The following STAB2 variants were observed in gnomAD, a reference collection of about 807,000 sequenced individuals.
The protein encoded by STAB2 is stabilin 2.
STAB2 carries 288 observed loss-of-function variants against 338.1 expected under a neutral mutation model. The ratio of observed to expected loss-of-function variants is 0.85; its 90% CI spans 0.77 to 0.94. The LOEUF is 0.94. Among genes scored for constraint, STAB2 ranks in the 40% least tolerant of loss-of-function variants. The probability of loss-of-function intolerance (pLI) is 0.00; values close to 1 mark genes in which losing one functional copy is unlikely to be tolerated. For synonymous variants in STAB2, 1,202 were observed against 1,193.3 expected (o/e 1.01, Z -0.15); for missense variants, 3,141 against 3,210.1 (o/e 0.98, Z 0.52).
At position 103,704,851 on chromosome 12, in the gene STAB2, T is replaced by G. The variant is rs77891116; in HGVS notation, c.3900+237T>G. The G allele has an allele frequency of 7.7e-4, 313 of 404,076 alleles. 2 individuals are homozygous for G. The highest frequency in any genetic ancestry group is 6.0e-3 in the African/African-American group (286 of 48,000). 25.0% of individuals were successfully genotyped at this position (404,076 alleles called of 1,614,324 possible). On this transcript the variant is annotated intron_variant, in intron 36 of 68. Transcript: ENST00000388887. ...ATGAATCAACAGACAGGACAGAAAT[T>G]TTTTATGCTCTACGTCTTTCATATC... is the stretch of plus-strand genomic sequence containing the variant.
chr12:103,605,138 A>C (rs1957008442), intron 3 of STAB2, among the ~76,000 whole-genome samples: 1 of 151,946 alleles, frequency 6.6e-6, no homozygotes. Context: ...TTCCAAATAG[A>C]ATAATTTTTC....
chr12:103,762,538 AC>A (rs776170169), intron 67 of STAB2, 136 bp downstream of exon 67: 1 of 1,338,202 alleles, frequency 7.5e-7, no homozygotes, highest in Non-Finnish European at 1.0e-6. Flanking sequence ...AGGGGCGGCC[AC>A]CCACCCCACG....
intron 53 of STAB2, among the ~76,000 whole-genome samples, chr12:103,738,204 T>G (rs905908689): frequency 1.3e-5 from 2 of 152,176 alleles, no homozygotes; most frequent in African/African-American, 2.4e-5. Context: ...AAGGGCAATT[T>G]CACATAGTCA....
At chr12:103,764,857 G>A (rs570555930) in intron 68 of STAB2, among the ~76,000 whole-genome samples, 2 of 151,978 alleles carry the variant, frequency 1.3e-5, no homozygotes, top group South Asian at 2.1e-4. Context: ...CAGCACTTTC[G>A]GAGGCCAAGG....
chr12:103,643,951 GT>G (rs369409457), intron 9 of STAB2, among the ~76,000 whole-genome samples: 950 of 77,370 alleles, frequency 0.012, no homozygotes, highest in Non-Finnish European at 0.014. Flanking sequence ...CGTCCGGGAG[GT>G]GAGGGGCGCC....
chr12:103,697,181 A>G (rs908111301), intron 33 of STAB2, among the ~76,000 whole-genome samples: 2 of 152,064 alleles, frequency 1.3e-5, no homozygotes, highest in African/African-American at 4.8e-5. Flanking sequence ...AATTCACACC[A>G]TGTGTACCCC....
chr12:103,604,457 GA>G (rs1259386138), intron 3 of STAB2, among the ~76,000 whole-genome samples: 2 of 151,998 alleles, frequency 1.3e-5, no homozygotes, highest in Admixed American at 1.3e-4. Context: ...CCTTACATGT[GA>G]GATAGTATTC....
intron 9 of STAB2, among the ~76,000 whole-genome samples, chr12:103,645,148 T>A (rs1424683611): frequency 6.6e-6 from 1 of 152,182 alleles, no homozygotes; most frequent in Non-Finnish European, 1.5e-5. Flanking sequence ...CCCATAACTG[T>A]AAAATGCAAA....
chr12:103,650,410 A>G, intron 10 of STAB2, 86 bp from the exon 11 acceptor site: 2 of 1,105,826 alleles, frequency 1.8e-6, no homozygotes, highest in African/African-American at 3.1e-5. Flanking sequence ...ACCGGTCGTG[A>G]CCCAAGACCT....
intron 3 of STAB2, among the ~76,000 whole-genome samples, chr12:103,602,006 C>T (rs1477187341): frequency 6.6e-6 from 1 of 152,152 alleles, no homozygotes; most frequent in African/African-American, 2.4e-5. Context: ...TAAAACTCAA[C>T]CTTTTAAGTA....
Position 103,705,646 on chromosome 12 carries a change from G to A in STAB2, c.3915G>A (p.Arg1305=). The change falls in exon 37 of 69, where the codon AGG becomes AGA. Residue 1305 remains arginine, a synonymous_variant. Coordinates refer to ENST00000388887, the MANE Select transcript of STAB2 (RefSeq NM_017564.10). ...ATATTTCACAGGGTAATGAGAAGAG[G>A]AGATGCATCTATACCTCCTATTTCA... ...FGTKSLGNEK[R]RCIYTSYFMG... 1.2e-6 allele frequency: 2 copies of A among 1,614,172 alleles called. No individual in the cohort carries two copies. The highest frequency in any genetic ancestry group is 1.7e-6 in the Non-Finnish European group (2 of 1,180,004).
chr12:103,732,732 G>A (rs1378628989), intron 50 of STAB2, among the ~76,000 whole-genome samples: 3 of 152,016 alleles, frequency 2.0e-5, no homozygotes, highest in African/African-American at 4.8e-5. Context: ...TTGAACCCAC[G>A]AGGTTGAAGC....
intron 38 of STAB2, among the ~76,000 whole-genome samples, chr12:103,707,809 A>G (rs1319458798): frequency 6.6e-6 from 1 of 152,188 alleles, no homozygotes; most frequent in Non-Finnish European, 1.5e-5. Context: ...AATCATTATA[A>G]TTGGGCCATA....
At chr12:103,664,131 T>C (rs1874864900) in intron 18 of STAB2, among the ~76,000 whole-genome samples, 2 of 151,996 alleles carry the variant, frequency 1.3e-5, no homozygotes, top group Admixed American at 6.6e-5. Context: ...TTGTTTTGTT[T>C]TTGTTTGTTT....
rs1875102867 is a variant in STAB2 at position 103,666,366 on chromosome 12, G to A, written c.2085+13G>A. 8.7e-6 allele frequency: 14 copies of A among 1,614,024 alleles called. No individual in the cohort carries two copies. In the East Asian group the frequency reaches 3.1e-4, roughly 36 times the overall value. On this transcript the variant is annotated intron_variant, in intron 19 of 68. Transcript: ENST00000388887. The stretch of plus-strand genomic sequence containing the variant: ...CTCTGAGCCCACAGTGAGTGTGACA[G>A]CTTCATGAAAGCACAGATCACCCAA...
At chr12:103,684,542 A>G (rs1258008300) in intron 26 of STAB2, among the ~76,000 whole-genome samples, 1 of 152,244 alleles carries the variant, frequency 6.6e-6, no homozygotes, top group Non-Finnish European at 1.5e-5. Context: ...GTGAGTAGCT[A>G]TTGCAAGTTT....
At chr12:103,655,125 C>G (rs1310746642) in intron 13 of STAB2, 126 bp from the exon 14 acceptor site, 4 of 896,224 alleles carry the variant, frequency 4.5e-6, no homozygotes, top group Non-Finnish European at 7.0e-6. Flanking sequence ...TGCAGTTGAC[C>G]AGGTTCATTT....
In STAB2 at chr12:103,705,677, A is replaced by G. The variant is rs1879283694; in HGVS notation, c.3946A>G (p.Arg1316Gly). ...RCIYTSYFMG[R>G]RTLFIGCQPK... ...CATCTATACCTCCTATTTCATGGGA[A>G]GACGAACCCTGTTTATTGGGTGCCA... The change falls in exon 37 of 69, where the codon AGA becomes GGA. Residue 1316 changes from arginine (R) to glycine (G), a missense_variant. Transcript: ENST00000388887. 6.2e-7 allele frequency: 1 copy of G among 1,614,106 alleles called. No individual in the cohort carries two copies. Among genetic ancestry groups the G allele is most frequent in the Non-Finnish European group, 8.5e-7 (1 of 1,180,038 alleles).
intron 26 of STAB2, 97 bp from the exon 27 acceptor site, chr12:103,684,892 C>A: frequency 8.7e-7 from 1 of 1,146,952 alleles, no homozygotes; most frequent in Non-Finnish European, 1.3e-6. Flanking sequence ...CCCAAATTTG[C>A]AGTTATCACC....
Sources: gnomAD v4.1 joint callset for allele counts (sites outside exome capture counted in the v4.1 genomes callset) on GRCh38, gnomAD v4.1.1 for gene constraint, MANE v1.5 for transcripts, NCBI Gene and HGNC (gene_info 2026-07-23, HGNC 2026-07-21) for gene names.